CDHR2: variants seen among roughly 807,000 people sequenced by gnomAD.
The protein encoded by CDHR2 is cadherin-related family member 2.
CDHR2 carries 104 observed loss-of-function variants against 138.6 expected under a neutral mutation model. The observed-to-expected ratio is 0.75, with a 90% CI of 0.64 to 0.88. The LOEUF (loss-of-function observed/expected upper bound fraction) is 0.88. CDHR2 is among the 40% of genes least tolerant of loss of function. The pLI, the probability that CDHR2 is intolerant of heterozygous loss-of-function variation, is 0.00. For missense variants in CDHR2, 1,624 were observed against 1,727.6 expected, an observed-to-expected ratio of 0.94 and a Z score of 1.06; for synonymous variants, 755 against 742.8, an observed-to-expected ratio of 1.02 and a Z score of -0.27.
intron 1 of CDHR2, among the ~76,000 whole-genome samples, chr5:176,544,252 G>A (rs980606970): frequency 6.6e-6 from 1 of 152,230 alleles, no homozygotes; most frequent in Non-Finnish European, 1.5e-5. Context: ...GCTTTAGAGG[G>A]AATGAGTGCC....
rs1758627167 is a variant in CDHR2 at position 176,585,000 on chromosome 5, G to A, written c.2719G>A (p.Ala907Thr). ...CCTAGCCACGGACCCCGGCTTCCAG[G>A]CCTACAGCAACAATGGTAAGGCAGC... ...CDLATDPGFQ[A>T]YSNNGSLLIT... Residue 907 changes from alanine (A) to threonine (T), a missense_variant, in exon 19 of 32, where the codon GCC becomes ACC. Transcript: ENST00000261944. The A allele has an allele frequency of 6.5e-7, 1 of 1,545,468 alleles. No individual in the cohort carries two copies.
At chr5:176,588,909 G>T in intron 21 of CDHR2, 122 bp from the exon 22 acceptor site, 1 of 951,252 alleles carries the variant, frequency 1.1e-6, no homozygotes. Context: ...GGGCAGCGTG[G>T]GGATGGCGGA....
At chr5:176,572,418 A>AAATAAATAAATAATT (rs1554142289) in intron 6 of CDHR2, among the ~76,000 whole-genome samples, 3 of 117,200 alleles carry the variant, frequency 2.6e-5, no homozygotes, top group Admixed American at 8.2e-5. Context: ...AATAAATAAT[A>AAATAAATAAATAATT]AAAAAATTAA....
chr5:176,574,725 G>A (rs1209333771), intron 7 of CDHR2, among the ~76,000 whole-genome samples: 2 of 152,210 alleles, frequency 1.3e-5, no homozygotes, highest in Non-Finnish European at 2.9e-5. Flanking sequence ...AGCATGTTAT[G>A]CTATATTGTT....
At chr5:176,594,638 G>A (rs918777656) in intron 31 of CDHR2, among the ~76,000 whole-genome samples, 1 of 152,214 alleles carries the variant, frequency 6.6e-6, no homozygotes, top group Non-Finnish European at 1.5e-5. Flanking sequence ...TCTGTCTTGA[G>A]GGCTCTGAGG....
intron 6 of CDHR2, among the ~76,000 whole-genome samples, chr5:176,573,244 C>T (rs1236720242): frequency 6.6e-6 from 1 of 151,038 alleles, no homozygotes; most frequent in African/African-American, 2.4e-5. Flanking sequence ...GGAGTCTGGA[C>T]TGTGATCTGG....
intron 30 of CDHR2, among the ~76,000 whole-genome samples, chr5:176,592,167 G>A (rs1357055502): frequency 6.6e-6 from 1 of 151,008 alleles, no homozygotes. Flanking sequence ...TGATGATGGT[G>A]GTGGTGGTGT....
intron 21 of CDHR2, 34 bp downstream of exon 21, chr5:176,586,876 T>G (rs1375324664): frequency 6.3e-7 from 1 of 1,589,808 alleles, no homozygotes; most frequent in African/African-American, 1.3e-5. Context: ...GTTGGTCATA[T>G]GAGCCCCAGG....
chr5:176,546,418 G>T (rs1343859518), upstream of CDHR2, among the ~76,000 whole-genome samples: 1 of 152,048 alleles, frequency 6.6e-6, no homozygotes, highest in Admixed American at 6.6e-5. Context: ...AACATTCATT[G>T]AGACCTTATT....
chr5:176,570,659 T>A (rs1403501110), intron 5 of CDHR2, among the ~76,000 whole-genome samples: 1 of 152,194 alleles, frequency 6.6e-6, no homozygotes, highest in Non-Finnish European at 1.5e-5. Flanking sequence ...ATTTTATATT[T>A]AAAAAATTAA....
chr5:176,565,886 C>A, intron 3 of CDHR2, 143 bp downstream of exon 3: 1 of 650,104 alleles, frequency 1.5e-6, no homozygotes. Flanking sequence ...TCCTTTGATT[C>A]CAGAAGTTTG....
At chr5:176,555,999 T>C (rs1274098813) in intron 1 of CDHR2, among the ~76,000 whole-genome samples, 1 of 152,212 alleles carries the variant, frequency 6.6e-6, no homozygotes, top group Non-Finnish European at 1.5e-5. Context: ...GGGTGGAGCA[T>C]GCTCTGGCCC....
intron 31 of CDHR2, among the ~76,000 whole-genome samples, chr5:176,593,666 C>T (rs1011691452): frequency 6.6e-6 from 1 of 152,222 alleles, no homozygotes; most frequent in Non-Finnish European, 1.5e-5. Flanking sequence ...ACATTTTCCC[C>T]CAGTCTGGGT....
Position 176,577,842 on chromosome 5 carries a change from G to A in CDHR2, c.1512+44G>A, listed in dbSNP as rs752056022. ...GTGGGGCTGTGGGGTCCCAGCAAGC[G>A]GGCGTGCATGTGTGAGTGTGAGAGT... On this transcript the variant is annotated intron_variant, in intron 14 of 31. Coordinates refer to ENST00000261944, the MANE Select transcript of CDHR2 (RefSeq NM_017675.6). 6.3e-6 allele frequency: 10 copies of A among 1,594,350 alleles called. No individual in the cohort carries two copies. The East Asian group carries it at 9.1e-5, about 14-fold the overall frequency.
chr5:176,591,712 G>C, intron 30 of CDHR2: 1 of 508,578 alleles, frequency 2.0e-6, no homozygotes, highest in South Asian at 2.1e-5. Context: ...TGATGGTGTT[G>C]GTGTTGAGGT....
chr5:176,571,294 A>C lies in CDHR2; in HGVS notation c.397A>C (p.Ile133Leu), dbSNP rs1384702632. The C allele has an allele frequency of 1.2e-6, 2 of 1,606,664 alleles. No individual in the cohort carries two copies. Among genetic ancestry groups the C allele is most frequent in the Non-Finnish European group, 8.5e-7 (1 of 1,176,622 alleles). Residue 133 changes from isoleucine (I) to leucine (L), a missense_variant, in exon 6 of 32, where the codon ATC becomes CTC. Physicochemically the swap from Ile to Leu is conservative, Grantham distance 5 (BLOSUM62 2). Coordinates refer to ENST00000261944, the MANE Select transcript of CDHR2 (RefSeq NM_017675.6). ...CCAGAACACCGCTTTCTCCACCAGC[A>C]TCAACGAGGTGACACCTGCCTTAAT... Reference protein sequence around the residue: ...VFQNTAFSTSINETLPVGSVV... With the variant: ...VFQNTAFSTSLNETLPVGSVV...
Position 176,581,325 on chromosome 5 carries a change from C to T in CDHR2, c.1819-18C>T. On this transcript the variant is annotated intron_variant, in intron 16 of 31. Transcript: ENST00000261944. ...GGAATGCCGATGGCCGATGACCAACCCCTGCTTACGTGCACAGGCCCACGA... is the reference window on the plus strand; with the variant it reads ...GGAATGCCGATGGCCGATGACCAACTCCTGCTTACGTGCACAGGCCCACGA... 1 of 1,610,912 alleles carries T rather than the reference C, an allele frequency of 6.2e-7. No homozygotes were observed. Among genetic ancestry groups the T allele is most frequent in the Non-Finnish European group, 8.5e-7 (1 of 1,179,860 alleles).
chr5:176,589,463 C>T (rs373286879), intron 23 of CDHR2, 25 bp downstream of exon 23: 8 of 1,609,576 alleles, frequency 5.0e-6, no homozygotes, highest in Non-Finnish European at 6.0e-6. Context: ...CACCTCCAGC[C>T]CCCAACGCCC....
intron 6 of CDHR2, among the ~76,000 whole-genome samples, chr5:176,572,196 C>G (rs1350711424): frequency 6.8e-6 from 1 of 147,620 alleles, no homozygotes; most frequent in Admixed American, 6.8e-5. Context: ...CCAGCCTGAC[C>G]AACATGGAGA....
Sources: allele counts gnomAD v4.1 joint callset (sites outside exome capture counted in the v4.1 genomes callset), GRCh38; gene constraint gnomAD v4.1.1; transcripts MANE v1.5; gene names NCBI Gene and HGNC (gene_info 2026-07-23, HGNC 2026-07-21).